The following HELLS variants were observed in gnomAD, a reference collection of about 807,000 sequenced individuals.
The protein encoded by HELLS is helicase, lymphoid specific.
In HELLS, 32 loss-of-function variants were observed where a neutral mutation model predicts 120.0. That is an observed-to-expected ratio of 0.27 (90% CI 0.20 to 0.36). The LOEUF is 0.36. Among genes scored for constraint, HELLS ranks in the 10% least tolerant of loss-of-function variants. The pLI is 1.00. For synonymous variants in HELLS, 341 were observed against 323.4 expected, an observed-to-expected ratio of 1.05 and a Z score of -0.58; for missense variants, 650 against 993.4, an observed-to-expected ratio of 0.65 and a Z score of 4.65.
intron 2 of HELLS, among the ~76,000 whole-genome samples, chr10:94,552,376 G>T (rs1363098299): frequency 6.6e-6 from 1 of 152,204 alleles, no homozygotes; most frequent in African/African-American, 2.4e-5. Flanking sequence ...AACTTCTACA[G>T]TAATTGACAA....
chr10:94,571,377 C>A lies in HELLS; in HGVS notation c.436-11C>A. ...CATTATTAATTTGTTTTTGTTTTCT[C>A]AAACTACTAGGAAATTTTGTCTGTG... On this transcript the variant is annotated splice_polypyrimidine_tract_variant and intron_variant, in intron 6 of 21. Transcript: ENST00000348459. 1 of 1,466,466 alleles carries A rather than the reference C, an allele frequency of 6.8e-7. No individual in the cohort carries two copies. 90.8% of individuals were successfully genotyped at this position (1,466,466 alleles called of 1,614,324 possible).
chr10:94,601,496 A>G (rs758948294), intron 21 of HELLS, 32 bp from the exon 22 acceptor site: 23 of 1,105,672 alleles, frequency 2.1e-5, no homozygotes, highest in Non-Finnish European at 2.7e-5. Context: ...TTATACTTCT[A>G]AAATGTACCT....
Position 94,594,870 on chromosome 10 carries a change from G to A in HELLS, c.2248+16G>A. ...ATCCATAAAAGTAAATAACACTTAT[G>A]TAGTGCTTTATTGTTTAAATTGTGC... On this transcript the variant is annotated intron_variant, in intron 19 of 21. Transcript: ENST00000348459. The A allele has an allele frequency of 1.3e-6, 2 of 1,572,194 alleles. No individual in the cohort carries two copies. Among genetic ancestry groups the A allele is most frequent in the Admixed American group, 1.7e-5 (1 of 57,894 alleles).
At chr10:94,550,708 G>C (rs1379307209) in intron 2 of HELLS, among the ~76,000 whole-genome samples, 1 of 152,054 alleles carries the variant, frequency 6.6e-6, no homozygotes, top group Non-Finnish European at 1.5e-5. Context: ...TGGGTAACAG[G>C]GTGAAACCCC....
intron 6 of HELLS, among the ~76,000 whole-genome samples, chr10:94,566,225 C>T (rs1420161110): frequency 1.3e-5 from 2 of 152,102 alleles, no homozygotes; most frequent in Non-Finnish European, 2.9e-5. Context: ...GCTCTTCACT[C>T]TGGCATGCAG....
chr10:94,591,588 C>T (rs188387820), intron 15 of HELLS, among the ~76,000 whole-genome samples: 1 of 152,300 alleles, frequency 6.6e-6, no homozygotes, highest in East Asian at 1.9e-4. Context: ...GTCTTCTACC[C>T]ATTAGATGCC....
intron 12 of HELLS, among the ~76,000 whole-genome samples, chr10:94,587,735 T>A (rs1412926769): frequency 6.6e-6 from 1 of 152,216 alleles, no homozygotes; most frequent in Non-Finnish European, 1.5e-5. Context: ...CCTCTAGTTA[T>A]ACTCTTCTTT....
intron 19 of HELLS, among the ~76,000 whole-genome samples, chr10:94,596,347 G>T (rs1001066492): frequency 6.6e-6 from 1 of 152,076 alleles, no homozygotes; most frequent in Non-Finnish European, 1.5e-5. Context: ...ACCCTTTCCA[G>T]TAATTCCTAT....
At chr10:94,547,507 T>C (rs1023444283) in intron 2 of HELLS, among the ~76,000 whole-genome samples, 3 of 152,206 alleles carry the variant, frequency 2.0e-5, no homozygotes, top group African/African-American at 7.2e-5. Flanking sequence ...ACAATAATTT[T>C]TTTGTCAGCA....
intron 16 of HELLS, 22 bp from the exon 17 acceptor site, chr10:94,592,373 A>G (rs537839963): frequency 6.3e-7 from 1 of 1,582,338 alleles, no homozygotes; most frequent in Admixed American, 1.9e-5. Context: ...CATTAGAAAT[A>G]TTAAGATATG....
intron 17 of HELLS, 57 bp from the exon 18 acceptor site, chr10:94,593,442 C>T: frequency 9.4e-7 from 1 of 1,068,478 alleles, no homozygotes; most frequent in Non-Finnish European, 1.4e-6. Context: ...TTTTCTCCTT[C>T]AGTCTTGTTG....
chr10:94,612,534 GT>G (rs1323009292), exon 10 of HELLS: 8 of 152,190 alleles, frequency 5.3e-5, no homozygotes, highest in Admixed American at 3.3e-4. Flanking sequence ...AATAGAATGT[GT>G]GCTTGTATAT....
intron 12 of HELLS, 84 bp from the exon 13 acceptor site, chr10:94,588,145 G>A (rs997788951): frequency 7.3e-6 from 5 of 687,492 alleles, no homozygotes; most frequent in Non-Finnish European, 9.3e-6. Flanking sequence ...CAAAAGATAA[G>A]GTAAAGGAGT....
chr10:94,584,243 A>G, intron 12 of HELLS: 1 of 403,084 alleles, frequency 2.5e-6, no homozygotes, highest in Non-Finnish European at 4.3e-6. Context: ...TGGAATATTT[A>G]TTTATTAATG....
intron 2 of HELLS, 43 bp from the exon 3 acceptor site, chr10:94,554,083 G>A: frequency 2.7e-6 from 4 of 1,486,830 alleles, no homozygotes; most frequent in East Asian, 2.7e-5. Flanking sequence ...ATTAAGGTAT[G>A]TCAGAAAGTG....
Position 94,594,590 on chromosome 10 carries a change from A to G in HELLS, c.2089-105A>G, listed in dbSNP as rs560961404. The G allele has an allele frequency of 6.4e-5, 48 of 753,636 alleles. No individual in the cohort carries two copies. In the South Asian group the frequency reaches 1.2e-3, roughly 18 times the overall value. The allele number at this position is 753,636 out of a possible 1,614,324, so 46.7% of individuals were successfully genotyped here. ...TGGAAGTTTAAATTAAGACACCACT[A>G]TTTAAAAGTTCCTGGCTAGATCATT... On this transcript the variant is annotated intron_variant, in intron 18 of 21. Transcript: ENST00000348459.
chr10:94,553,661 G>T (rs1843097313), intron 2 of HELLS, among the ~76,000 whole-genome samples: 2 of 148,822 alleles, frequency 1.3e-5, no homozygotes, highest in Non-Finnish European at 3.0e-5. Context: ...CGATTCTCCT[G>T]CCTCAGCCTC....
At chr10:94,590,976 T>A (rs1446770409) in intron 15 of HELLS, among the ~76,000 whole-genome samples, 200 bp downstream of exon 15, 1 of 152,134 alleles carries the variant, frequency 6.6e-6, no homozygotes, top group Non-Finnish European at 1.5e-5. Context: ...AATGGTCACT[T>A]TCTATGAGCA....
intron 7 of HELLS, among the ~76,000 whole-genome samples, chr10:94,572,911 C>G (rs535315831): frequency 7.2e-5 from 11 of 152,150 alleles, no homozygotes; most frequent in Non-Finnish European, 4.4e-5. Context: ...TTCCTAATTA[C>G]TACTGAAGTA....
Sources: gnomAD v4.1 joint callset for allele counts (sites outside exome capture counted in the v4.1 genomes callset) on GRCh38, gnomAD v4.1.1 for gene constraint, MANE v1.5 for transcripts, NCBI Gene and HGNC (gene_info 2026-07-23, HGNC 2026-07-21) for gene names.